Variants in COL25A1 observed in about 807,000 individuals in gnomAD.
The protein encoded by COL25A1 is collagen alpha-1(XXV) chain.
A neutral mutation model predicts 128.4 loss-of-function variants in COL25A1; 103 were observed. That is an observed-to-expected ratio of 0.80 (90% CI 0.68 to 0.94). COL25A1 has a LOEUF of 0.94. COL25A1 is among the 40% of genes least tolerant of loss of function. The pLI, the probability that COL25A1 is intolerant of heterozygous loss-of-function variation, is 0.00. For missense variants in COL25A1, 745 were observed against 840.0 expected, an observed-to-expected ratio of 0.89 and a Z score of 1.40; for synonymous variants, 279 against 277.2, an observed-to-expected ratio of 1.01 and a Z score of -0.06.
At chr4:109,146,143 A>T (rs1471720691) in intron 3 of COL25A1, among the ~76,000 whole-genome samples, 1 of 152,202 alleles carries the variant, frequency 6.6e-6, no homozygotes, top group East Asian at 1.9e-4. Flanking sequence ...GTTTGGAATG[A>T]CTTTTTAAAC....
At chr4:109,280,598 T>G (rs1319710614) in intron 3 of COL25A1, among the ~76,000 whole-genome samples, 4 of 152,160 alleles carry the variant, frequency 2.6e-5, no homozygotes, top group Non-Finnish European at 4.4e-5. Flanking sequence ...TTTTCTTAGG[T>G]ATGATTATAG....
chr4:109,235,025 C>T (rs187766122), intron 3 of COL25A1, among the ~76,000 whole-genome samples: 55 of 151,920 alleles, frequency 3.6e-4, no homozygotes, highest in African/African-American at 9.9e-4. Context: ...AAAAACAAAC[C>T]ACAGAAGCTG....
intron 24 of COL25A1, among the ~76,000 whole-genome samples, chr4:108,853,321 T>C (rs2125775626): frequency 6.6e-6 from 1 of 152,252 alleles, no homozygotes; most frequent in Non-Finnish European, 1.5e-5. Context: ...CCCAATTGCA[T>C]ATTTTTTCTC....
intron 3 of COL25A1, among the ~76,000 whole-genome samples, chr4:109,226,663 C>T (rs1011021010): frequency 6.6e-6 from 1 of 151,898 alleles, no homozygotes; most frequent in African/African-American, 2.4e-5. Flanking sequence ...AATCATAATC[C>T]TAAAAGATCA....
chr4:108,852,778 A>G, intron 25 of COL25A1, 124 bp downstream of exon 25: 2 of 735,570 alleles, frequency 2.7e-6, no homozygotes, highest in South Asian at 3.9e-5. Flanking sequence ...AAGATTATTA[A>G]TACAAGAAAA....
intron 13 of COL25A1, among the ~76,000 whole-genome samples, chr4:108,911,309 A>G (rs1321921507): frequency 6.6e-6 from 1 of 152,046 alleles, no homozygotes; most frequent in Non-Finnish European, 1.5e-5. Flanking sequence ...TCTTTTGCCA[A>G]CTCCTGTTTA....
chr4:109,159,040 T>C, intron 3 of COL25A1, among the ~76,000 whole-genome samples: 1 of 152,106 alleles, frequency 6.6e-6, no homozygotes, highest in Non-Finnish European at 1.5e-5. Context: ...CTGTAGTAAG[T>C]GGAGCAATCC....
At chr4:108,880,880 A>G (rs1646265189) in intron 19 of COL25A1, among the ~76,000 whole-genome samples, 1 of 152,212 alleles carries the variant, frequency 6.6e-6, no homozygotes, top group African/African-American at 2.4e-5. Context: ...GGAACTTAGA[A>G]TCTTACTCTT....
chr4:109,125,796 G>A (rs1768542263), intron 3 of COL25A1, among the ~76,000 whole-genome samples: 1 of 152,110 alleles, frequency 6.6e-6, no homozygotes, highest in Non-Finnish European at 1.5e-5. Flanking sequence ...CGAGGGAGCT[G>A]ATCAGATACA....
chr4:108,823,562 A>G (rs930769875), intron 35 of COL25A1, among the ~76,000 whole-genome samples: 1 of 152,216 alleles, frequency 6.6e-6, no homozygotes, highest in Non-Finnish European at 1.5e-5. Context: ...CCTAAAGACC[A>G]TGGAGCTGAT....
intron 3 of COL25A1, among the ~76,000 whole-genome samples, chr4:109,296,785 G>A (rs1725027806): frequency 6.6e-6 from 1 of 152,038 alleles, no homozygotes; most frequent in African/African-American, 2.4e-5. Flanking sequence ...ATCCTGGGCA[G>A]GCAACACTAC....
intron 3 of COL25A1, among the ~76,000 whole-genome samples, chr4:109,132,131 C>G (rs1418032840): frequency 6.6e-6 from 1 of 152,106 alleles, no homozygotes; most frequent in East Asian, 1.9e-4. Context: ...GTAAGAGTGT[C>G]ACAGAGAGAG....
At chr4:108,901,211 C>G (rs762301162) in intron 13 of COL25A1, 39 bp from the exon 14 acceptor site, 4 of 1,383,368 alleles carry the variant, frequency 2.9e-6, no homozygotes, top group African/African-American at 2.8e-5. Flanking sequence ...GTAAAATAGA[C>G]AAAATCAATA....
rs565289667 is a variant in COL25A1, at chr4:108,995,253, C to T, written c.438+15105G>A. ...TTAGATGAATGGCTAACTAGAATAA[C>T]CAGTGTAGAGAAGAGCTTAAATGAC... is the stretch of plus-strand genomic sequence containing the variant. On this transcript the variant is annotated intron_variant, in intron 6 of 37. Coordinates refer to ENST00000399132, the MANE Select transcript of COL25A1 (RefSeq NM_198721.4). Among the ~76,000 whole-genome samples the T allele has an allele frequency of 1.2e-4, 18 of 152,252 alleles. No homozygotes were observed. In the South Asian group the frequency reaches 3.7e-3, roughly 32 times the overall value.
At chr4:108,904,889 AGGATG>A (rs1743279246) in intron 13 of COL25A1, among the ~76,000 whole-genome samples, 1 of 144,834 alleles carries the variant, frequency 6.9e-6, no homozygotes, top group Admixed American at 7.3e-5. Flanking sequence ...ACTTTTAAGA[AGGATG>A]GCTTGCTGCT....
intron 6 of COL25A1, among the ~76,000 whole-genome samples, chr4:109,000,449 G>A (rs1755236459): frequency 6.6e-6 from 1 of 152,038 alleles, no homozygotes; most frequent in African/African-American, 2.4e-5. Context: ...TAATTGTAAA[G>A]TGTTATATAA....
chr4:109,019,371 C>CATATATATATATAT (rs1183525991), intron 5 of COL25A1, among the ~76,000 whole-genome samples: 49 of 8,918 alleles, frequency 5.5e-3, no homozygotes, highest in East Asian at 0.018. Context: ...CACACACACA[C>CATATATATATATAT]ACACATATAT....
Position 109,302,288 on chromosome 4 carries a change from C to T in COL25A1, c.-176G>A, listed in dbSNP as rs1254833888. ...GACTGGGTGGCGGTGGGGTAAAAAG[C>T]AAGACGAAACCCACCCAGACAGCTC... On this transcript the variant is annotated 5_prime_UTR_variant, in exon 1 of 38. Coordinates refer to ENST00000399132, the MANE Select transcript of COL25A1 (RefSeq NM_198721.4). 1.3e-5 allele frequency: 6 copies of T among 463,058 alleles called. No individual in the cohort carries two copies. Among genetic ancestry groups the T allele is most frequent in the Non-Finnish European group, 1.1e-5 (3 of 263,736 alleles). The allele number at this position is 463,058 out of a possible 1,614,324, so 28.7% of individuals were successfully genotyped here.
At chr4:108,882,831 T>C (rs1484034883) in intron 19 of COL25A1, among the ~76,000 whole-genome samples, 1 of 152,106 alleles carries the variant, frequency 6.6e-6, no homozygotes. Context: ...AGAACTAAAA[T>C]TGCTGAATGC....
Sources: allele counts gnomAD v4.1 joint callset (sites outside exome capture counted in the v4.1 genomes callset), GRCh38; gene constraint gnomAD v4.1.1; transcripts MANE v1.5; gene names NCBI Gene and HGNC (gene_info 2026-07-23, HGNC 2026-07-21).